TAFA5: variants seen among roughly 807,000 people sequenced by gnomAD.
The protein encoded by TAFA5 is TAFA chemokine like family member 5.
TAFA5 carries 6 observed loss-of-function variants against 15.3 expected under a neutral mutation model. The observed-to-expected ratio is 0.39, with a 90% confidence interval of 0.21 to 0.77. TAFA5 has a LOEUF of 0.77. TAFA5 is among the 30% of genes least tolerant of loss of function. The probability of loss-of-function intolerance (pLI) is 0.41; values close to 1 mark genes in which losing one functional copy is unlikely to be tolerated. For synonymous variants in TAFA5, 103 were observed against 80.7 expected (o/e 1.28, Z -1.48); for missense variants, 161 against 193.1 (o/e 0.83, Z 0.98).
At chr22:48,686,408 A>G (rs1034121046) in intron 2 of TAFA5, among the ~76,000 whole-genome samples, 3 of 152,214 alleles carry the variant, frequency 2.0e-5, no homozygotes, top group African/African-American at 7.2e-5. Flanking sequence ...CATACTGGAA[A>G]GGATGAGGGG....
intron 1 of TAFA5, among the ~76,000 whole-genome samples, chr22:48,630,315 C>A (rs1926171935): frequency 6.6e-6 from 1 of 152,152 alleles, no homozygotes; most frequent in Non-Finnish European, 1.5e-5. Context: ...TGGCACTGAC[C>A]AGCACATGAT....
chr22:48,537,860 T>C (rs1922224931), intron 1 of TAFA5, among the ~76,000 whole-genome samples: 1 of 152,196 alleles, frequency 6.6e-6, no homozygotes, highest in Non-Finnish European at 1.5e-5. Flanking sequence ...TCCTGAGGCC[T>C]CTCTGGCTGA....
chr22:48,672,540 G>A (rs192738246), intron 2 of TAFA5, among the ~76,000 whole-genome samples: 107 of 152,308 alleles, frequency 7.0e-4, no homozygotes, highest in Admixed American at 1.2e-3. Flanking sequence ...GTGTGATACC[G>A]TGGCTGGGTA....
At chr22:48,581,823 T>C (rs942564440) in intron 1 of TAFA5, among the ~76,000 whole-genome samples, 2 of 152,158 alleles carry the variant, frequency 1.3e-5, no homozygotes, top group African/African-American at 4.8e-5. Flanking sequence ...GCCCCTTCGT[T>C]AGGGAGCAGC....
intron 2 of TAFA5, among the ~76,000 whole-genome samples, chr22:48,704,426 G>A (rs1929015710): frequency 6.6e-6 from 1 of 152,106 alleles, no homozygotes; most frequent in Admixed American, 6.5e-5. Flanking sequence ...CTTTCTGCAG[G>A]AATAGAACAG....
chr22:48,494,007 C>G (rs1450311277), intron 1 of TAFA5, among the ~76,000 whole-genome samples: 1 of 152,212 alleles, frequency 6.6e-6, no homozygotes, highest in Non-Finnish European at 1.5e-5. Context: ...TGCTGGACCT[C>G]CCTGAGGCCA....
At chr22:48,535,278 C>T (rs1922115897) in intron 1 of TAFA5, among the ~76,000 whole-genome samples, 1 of 152,250 alleles carries the variant, frequency 6.6e-6, no homozygotes, top group Non-Finnish European at 1.5e-5. Context: ...CACAGTCACA[C>T]TCCCACACAC....
At chr22:48,680,984 C>G (rs1928165736) in intron 2 of TAFA5, among the ~76,000 whole-genome samples, 1 of 152,254 alleles carries the variant, frequency 6.6e-6, no homozygotes, top group Admixed American at 6.5e-5. Flanking sequence ...TAATCTGGCT[C>G]AGGCTCGCTG....
chr22:48,677,380 G>T (rs130095), intron 2 of TAFA5, among the ~76,000 whole-genome samples: 135,310 of 152,256 alleles, frequency 0.89, 60,401 homozygotes, highest in East Asian at 1. Context: ...TGCCGGGGTC[G>T]GTGGAGGCAG....
chr22:48,499,597 G>C (rs530419137), intron 1 of TAFA5, among the ~76,000 whole-genome samples: 1 of 152,196 alleles, frequency 6.6e-6, no homozygotes, highest in Non-Finnish European at 1.5e-5. Context: ...CCCTCCGCAG[G>C]GGGGTGGCGC....
At chr22:48,605,604 A>G (rs1320742326) in intron 1 of TAFA5, among the ~76,000 whole-genome samples, 1 of 152,166 alleles carries the variant, frequency 6.6e-6, no homozygotes, top group Non-Finnish European at 1.5e-5. Context: ...GGATGCAGGC[A>G]GGCATTTTAC....
intron 1 of TAFA5, among the ~76,000 whole-genome samples, chr22:48,536,863 C>T (rs1922183573): frequency 6.6e-6 from 1 of 152,188 alleles, no homozygotes; most frequent in African/African-American, 2.4e-5. Context: ...GGAGCTGCCC[C>T]ACAGACCCGA....
chr22:48,634,186 TCATCACTCACC>T (rs1278293855), intron 1 of TAFA5, among the ~76,000 whole-genome samples: 1 of 152,124 alleles, frequency 6.6e-6, no homozygotes, highest in Non-Finnish European at 1.5e-5. Context: ...ATTCACCCAC[TCATCACTCACC>T]CATCACTCAC....
intron 1 of TAFA5, chr22:48,576,322 T>A (rs1601589370): frequency 4.4e-5 from 43 of 979,250 alleles, no homozygotes; most frequent in Middle Eastern, 5.1e-4. Flanking sequence ...ACAAATCGCC[T>A]CCCGGAGTGG....
chr22:48,626,622 CTCTG>C (rs1926033816), intron 1 of TAFA5, among the ~76,000 whole-genome samples: 1 of 152,206 alleles, frequency 6.6e-6, no homozygotes, highest in Admixed American at 6.5e-5. Context: ...AATAACATCT[CTCTG>C]TCTGCGGTTT....
At chr22:48,546,900 G>A (rs867791514) in intron 1 of TAFA5, 4 of 209,946 alleles carry the variant, frequency 1.9e-5, no homozygotes, top group African/African-American at 4.6e-5. Context: ...TCTTGACTCC[G>A]TTCAGCAAGG....
At chr22:48,647,342 G>C (rs955644891) in intron 2 of TAFA5, among the ~76,000 whole-genome samples, 1 of 152,180 alleles carries the variant, frequency 6.6e-6, no homozygotes, top group Non-Finnish European at 1.5e-5. Context: ...GTGTTGCTGA[G>C]TGAACACTTG....
At chr22:48,497,060 T>G (rs1364876864) in intron 1 of TAFA5, among the ~76,000 whole-genome samples, 4 of 152,192 alleles carry the variant, frequency 2.6e-5, no homozygotes. Flanking sequence ...ACTGCAGGCC[T>G]GCCTGCCTGA....
chr22:48,500,041 C>CAAAG (rs929004966), intron 1 of TAFA5, among the ~76,000 whole-genome samples: 9 of 152,236 alleles, frequency 5.9e-5, no homozygotes, highest in Non-Finnish European at 1.3e-4. Context: ...CAGCAATTCT[C>CAAAG]AGAGACCCCT....
Sources: gnomAD v4.1 joint callset for allele counts (sites outside exome capture counted in the v4.1 genomes callset) on GRCh38, gnomAD v4.1.1 for gene constraint, MANE v1.5 for transcripts, NCBI Gene and HGNC (gene_info 2026-07-23, HGNC 2026-07-21) for gene names.